Variants in PDSS2 observed in about 807,000 individuals in gnomAD.
PDSS2 encodes the protein all trans-polyprenyl-diphosphate synthase PDSS2.
A neutral mutation model predicts 44.5 loss-of-function variants in PDSS2; 31 were observed. The ratio of observed to expected loss-of-function variants is 0.70; its 90% CI spans 0.52 to 0.94. PDSS2 has a LOEUF of 0.94. PDSS2 is among the 40% of genes least tolerant of loss of function. The pLI is 0.00. For missense variants in PDSS2, 452 were observed against 482.2 expected, an observed-to-expected ratio of 0.94 and a Z score of 0.59; for synonymous variants, 157 against 180.3, an observed-to-expected ratio of 0.87 and a Z score of 1.03.
intron 1 of PDSS2, among the ~76,000 whole-genome samples, chr6:107,448,745 T>C (rs978944369): frequency 7.2e-5 from 11 of 152,188 alleles, no homozygotes; most frequent in African/African-American, 2.4e-4. Flanking sequence ...TAGTCTGTTC[T>C]CACATTGCTC....
In PDSS2 at chr6:107,201,390, C is replaced by CAAAA. The variant is rs747612959; in HGVS notation, c.1009-7540_1009-7537dup. Among the ~76,000 whole-genome samples the CAAAA allele has an allele frequency of 2.1e-3, 109 of 52,156 alleles. 4 individuals are homozygous for CAAAA. The highest frequency in any genetic ancestry group is 4.6e-3 in the East Asian group (6 of 1,296). 34.2% of individuals were successfully genotyped at this position (52,156 alleles called of 152,430 possible). A position where few individuals can be genotyped will look rare whatever the true frequency, so the allele number is the denominator to read the frequency against. ...TGTAAAACAATATTCCATACAAAAG[C>CAAAA]AAAAAAAAAAAAAAAAAAAAAAAAG... is the stretch of plus-strand genomic sequence containing the variant. On this transcript the variant is annotated intron_variant, in intron 6 of 7. Coordinates refer to ENST00000369037, the MANE Select transcript of PDSS2 (RefSeq NM_020381.4).
intron 1 of PDSS2, among the ~76,000 whole-genome samples, chr6:107,352,248 C>T (rs1424182496): frequency 1.3e-5 from 2 of 152,008 alleles, no homozygotes. Context: ...TTCAATATAA[C>T]AGAAAAAGGT....
chr6:107,223,482 C>G (rs1773685770), intron 4 of PDSS2, among the ~76,000 whole-genome samples: 1 of 150,898 alleles, frequency 6.6e-6, no homozygotes, highest in Non-Finnish European at 1.5e-5. Context: ...TTGCAGTGAG[C>G]TGAGATCATG....
intron 2 of PDSS2, among the ~76,000 whole-genome samples, chr6:107,327,766 C>T (rs1306647179): frequency 6.6e-6 from 1 of 152,202 alleles, no homozygotes; most frequent in Non-Finnish European, 1.5e-5. Flanking sequence ...CAACACTTTT[C>T]TTTTCCTTCT....
chr6:107,350,241 C>A (rs999488849), intron 1 of PDSS2, among the ~76,000 whole-genome samples: 58 of 152,230 alleles, frequency 3.8e-4, no homozygotes, highest in Non-Finnish European at 5.0e-4. Context: ...TTACACTTTC[C>A]CCCTTTATAA....
At chr6:107,192,337 C>T (rs73523781) in intron 7 of PDSS2, 2 of 509,752 alleles carry the variant, frequency 3.9e-6, no homozygotes, top group Non-Finnish European at 3.9e-6. Flanking sequence ...AAGGACTTGA[C>T]AGCCTCTGAG....
At chr6:107,313,240 G>A (rs564457654) in intron 2 of PDSS2, among the ~76,000 whole-genome samples, 1 of 152,234 alleles carries the variant, frequency 6.6e-6, no homozygotes, top group Admixed American at 6.5e-5. Flanking sequence ...TCCTTGTTCA[G>A]AAGTTCAGAA....
chr6:107,439,663 C>T (rs1399028115), intron 1 of PDSS2, among the ~76,000 whole-genome samples: 1 of 152,174 alleles, frequency 6.6e-6, no homozygotes, highest in Admixed American at 6.5e-5. Flanking sequence ...AGGAGAAAGC[C>T]TCCTTGTGAG....
intron 1 of PDSS2, among the ~76,000 whole-genome samples, chr6:107,417,629 G>A (rs944821865): frequency 2.6e-5 from 4 of 151,978 alleles, no homozygotes; most frequent in African/African-American, 7.3e-5. Context: ...GCACGGTGGC[G>A]CAGCCTGTAG....
intron 1 of PDSS2, among the ~76,000 whole-genome samples, chr6:107,419,155 C>T (rs961657991): frequency 2.0e-5 from 3 of 152,074 alleles, no homozygotes; most frequent in Non-Finnish European, 4.4e-5. Flanking sequence ...GTGCAGCCAG[C>T]GTTGAGAACC....
Position 107,193,695 on chromosome 6 carries a change from T to A in PDSS2, c.1041+127A>T, listed in dbSNP as rs954399575. On this transcript the variant is annotated intron_variant, in intron 7 of 7. Coordinates refer to ENST00000369037, the MANE Select transcript of PDSS2 (RefSeq NM_020381.4). ...CCTTATTCCACATGCTATTGGCCTGTTACTTAACAGGAAATGTCCTTCAGC... is the reference window on the plus strand; with the variant it reads ...CCTTATTCCACATGCTATTGGCCTGATACTTAACAGGAAATGTCCTTCAGC... 6 of 734,768 alleles carry A rather than the reference T, an allele frequency of 8.2e-6. No individual in the cohort carries two copies. The African/African-American group carries it at 1.0e-4, about 13-fold the overall frequency. The allele number at this position is 734,768 out of a possible 1,614,324, so 45.5% of individuals were successfully genotyped here.
At chr6:107,285,868 A>G (rs1481537563) in intron 2 of PDSS2, among the ~76,000 whole-genome samples, 1 of 152,204 alleles carries the variant, frequency 6.6e-6, no homozygotes, top group Non-Finnish European at 1.5e-5. Context: ...GGCTGGGCGC[A>G]CTGGCTCATG....
At chr6:107,352,986 G>A (rs1376528440) in intron 1 of PDSS2, among the ~76,000 whole-genome samples, 1 of 152,048 alleles carries the variant, frequency 6.6e-6, no homozygotes, top group Non-Finnish European at 1.5e-5. Flanking sequence ...CTTATAAAAC[G>A]CTAACTATAC....
At chr6:107,187,390 TGTG>T (rs1772206055) in intron 7 of PDSS2, among the ~76,000 whole-genome samples, 1 of 152,120 alleles carries the variant, frequency 6.6e-6, no homozygotes, top group African/African-American at 2.4e-5. Context: ...TAAGGCCCGG[TGTG>T]GTGGCTCACG....
intron 1 of PDSS2, among the ~76,000 whole-genome samples, chr6:107,415,296 C>A (rs1339723809): frequency 6.6e-6 from 1 of 151,928 alleles, no homozygotes; most frequent in Non-Finnish European, 1.5e-5. Context: ...CCCATTTTAA[C>A]ACAATTTGGA....
intron 2 of PDSS2, among the ~76,000 whole-genome samples, chr6:107,297,841 G>A (rs1363790504): frequency 6.6e-6 from 1 of 152,134 alleles, no homozygotes; most frequent in Admixed American, 6.5e-5. Context: ...CACCTCCCAG[G>A]TTCTAGCAAC....
intron 2 of PDSS2, among the ~76,000 whole-genome samples, chr6:107,304,950 C>T (rs1430855677): frequency 6.6e-6 from 1 of 151,018 alleles, no homozygotes. Context: ...GTGGGCAATA[C>T]TTTCCTGCTC....
intron 1 of PDSS2, among the ~76,000 whole-genome samples, chr6:107,367,587 G>A (rs1778996993): frequency 1.3e-5 from 2 of 151,834 alleles, no homozygotes; most frequent in African/African-American, 4.8e-5. Flanking sequence ...AGTTCTAGAT[G>A]AGCCTAGCCA....
chr6:107,437,219 C>G (rs978096487), intron 1 of PDSS2, among the ~76,000 whole-genome samples: 1 of 152,154 alleles, frequency 6.6e-6, no homozygotes, highest in East Asian at 1.9e-4. Flanking sequence ...CCCCTTTTCT[C>G]TATTCAAATT....
Sources: allele counts gnomAD v4.1 joint callset (sites outside exome capture counted in the v4.1 genomes callset), GRCh38; gene constraint gnomAD v4.1.1; transcripts MANE v1.5; gene names NCBI Gene and HGNC (gene_info 2026-07-23, HGNC 2026-07-21).